The following GFRA2 variants were observed in gnomAD, a reference collection of about 807,000 sequenced individuals.
The protein encoded by GFRA2 is GDNF family receptor alpha 2, also known as GDNF family receptor alpha-2.
Under a neutral mutation model 48.3 loss-of-function variants are expected in GFRA2, and 17 were observed. The observed-to-expected ratio is 0.35, with a 90% CI of 0.24 to 0.53. GFRA2 has a LOEUF of 0.53. Ranked by LOEUF, GFRA2 falls within the 20% of genes least tolerant of loss-of-function variation. The pLI is 0.93. For synonymous variants in GFRA2, 305 were observed against 257.2 expected (o/e 1.19, Z -1.78); for missense variants, 660 against 637.3 (o/e 1.04, Z -0.38).
intron 7 of GFRA2, among the ~76,000 whole-genome samples, chr8:21,700,684 G>A (rs186337946): frequency 6.7e-4 from 102 of 152,252 alleles, no homozygotes; most frequent in African/African-American, 2.1e-3. Context: ...AGATACCCAC[G>A]TAGGGACCCA....
At chr8:21,762,773 G>A (rs1427860496) in intron 3 of GFRA2, among the ~76,000 whole-genome samples, 2 of 152,012 alleles carry the variant, frequency 1.3e-5, no homozygotes, top group East Asian at 3.9e-4. Flanking sequence ...TTTTTCAACC[G>A]CTTTTGAGTG....
At chr8:21,806,068 G>A (rs1250593255) in intron 1 of GFRA2, among the ~76,000 whole-genome samples, 8 of 152,274 alleles carry the variant, frequency 5.3e-5, no homozygotes, top group East Asian at 1.9e-4. Context: ...GCAAAGGGTC[G>A]AGGCAGCCCA....
chr8:21,761,605 C>T (rs139317901), intron 3 of GFRA2, among the ~76,000 whole-genome samples: 1 of 152,340 alleles, frequency 6.6e-6, no homozygotes, highest in African/African-American at 2.4e-5. Flanking sequence ...GATGAAAATA[C>T]CCCTTGCAGT....
At chr8:21,797,058 G>C (rs952930840) in intron 2 of GFRA2, among the ~76,000 whole-genome samples, 30 of 152,284 alleles carry the variant, frequency 2.0e-4, no homozygotes, top group East Asian at 3.9e-4. Flanking sequence ...TGCTGATCTA[G>C]GACTGGGCCA....
chr8:21,725,798 G>C (rs1048645107), intron 4 of GFRA2, among the ~76,000 whole-genome samples: 1 of 152,172 alleles, frequency 6.6e-6, no homozygotes, highest in African/African-American at 2.4e-5. Context: ...CCCAAGGCCC[G>C]CCGGTCCTCT....
chr8:21,782,085 G>T (rs1807020566), intron 2 of GFRA2, among the ~76,000 whole-genome samples: 1 of 151,860 alleles, frequency 6.6e-6, no homozygotes, highest in African/African-American at 2.4e-5. Flanking sequence ...CTGGGGCAGG[G>T]CAGCAGCCAT....
chr8:21,785,545 G>T (rs1807227767), intron 1 of GFRA2, among the ~76,000 whole-genome samples: 1 of 152,190 alleles, frequency 6.6e-6, no homozygotes. Context: ...AAGACACAGG[G>T]AGTAGCTGCT....
intron 4 of GFRA2, among the ~76,000 whole-genome samples, chr8:21,730,352 G>A (rs903156717): frequency 3.3e-5 from 5 of 151,966 alleles, no homozygotes; most frequent in African/African-American, 4.8e-5. Context: ...GCAGCGAGCC[G>A]AGATAGTGCC....
At chr8:21,777,303 G>C (rs1806753426) in intron 2 of GFRA2, among the ~76,000 whole-genome samples, 1 of 151,902 alleles carries the variant, frequency 6.6e-6, no homozygotes, top group African/African-American at 2.4e-5. Context: ...TCTTCTGTCC[G>C]CCAGATGGTG....
At chr8:21,809,960 T>G (rs140321381) in intron 1 of GFRA2, among the ~76,000 whole-genome samples, 2 of 152,140 alleles carry the variant, frequency 1.3e-5, no homozygotes, top group African/African-American at 4.8e-5. Flanking sequence ...AGCCACCAGA[T>G]GTTGCTTCTC....
intron 3 of GFRA2, among the ~76,000 whole-genome samples, chr8:21,762,698 T>A: frequency 6.6e-6 from 1 of 152,252 alleles, no homozygotes; most frequent in Admixed American, 6.5e-5. Context: ...AAATTTCAGG[T>A]TAGTCTTAAT....
intron 4 of GFRA2, among the ~76,000 whole-genome samples, chr8:21,718,837 C>A (rs1384205642): frequency 6.6e-6 from 1 of 152,198 alleles, no homozygotes; most frequent in African/African-American, 2.4e-5. Flanking sequence ...AGGTTCAAAT[C>A]CTAGCCACAA....
At chr8:21,802,429 A>T (rs1334634882) in intron 2 of GFRA2, among the ~76,000 whole-genome samples, 2 of 152,146 alleles carry the variant, frequency 1.3e-5, no homozygotes, top group Non-Finnish European at 2.9e-5. Context: ...ATCATGGGTC[A>T]CTATAGCCTT....
chr8:21,787,263 C>G (rs2309080), intron 1 of GFRA2, among the ~76,000 whole-genome samples: 10,660 of 44,590 alleles, frequency 0.24, 623 homozygotes, highest in East Asian at 0.36. Context: ...TTGGAGGCGG[C>G]GGGGGGGGCA....
Position 21,788,307 on chromosome 8 carries a change from C to A in GFRA2, c.-148G>T. On this transcript the variant is annotated 5_prime_UTR_variant, in exon 1 of 9. Transcript: ENST00000524240. The stretch of plus-strand genomic sequence containing the variant: ...CAGCTAGTCCACCCGATGAAGATCC[C>A]GAGTCCTGCGATTCTCGCCTCTGGC... 1 of 1,384,410 alleles carries A rather than the reference C, an allele frequency of 7.2e-7. No individual in the cohort carries two copies. The highest frequency in any genetic ancestry group is 9.4e-7 in the Non-Finnish European group (1 of 1,068,592). The allele number at this position is 1,384,410 out of a possible 1,614,324, so 85.8% of individuals were successfully genotyped here. A position where few individuals can be genotyped will look rare whatever the true frequency, so the allele number is the denominator to read the frequency against.
upstream of GFRA2, chr8:21,788,928 C>T: frequency 4.8e-6 from 2 of 417,298 alleles, no homozygotes; most frequent in Non-Finnish European, 6.4e-6. Flanking sequence ...CTCCTCCCTC[C>T]GCCCGCCCCC....
At chr8:21,703,601 C>T (rs10104082) in intron 6 of GFRA2, among the ~76,000 whole-genome samples, 6,278 of 152,278 alleles carry the variant, frequency 0.041, 425 homozygotes, top group African/African-American at 0.14. Context: ...CCCTTGTCAA[C>T]GCTCCTTTCC....
chr8:21,726,913 C>T (rs925114790), intron 4 of GFRA2, among the ~76,000 whole-genome samples: 3 of 152,046 alleles, frequency 2.0e-5, no homozygotes, highest in South Asian at 2.1e-4. Flanking sequence ...CCACCACACC[C>T]GGCTAATTTT....
chr8:21,756,367 C>A (rs1464020351), intron 3 of GFRA2, among the ~76,000 whole-genome samples: 2 of 152,232 alleles, frequency 1.3e-5, no homozygotes, highest in Non-Finnish European at 2.9e-5. Flanking sequence ...ATCCTCCCAG[C>A]AGGAACCGGG....
Sources: gnomAD v4.1 joint callset for allele counts (sites outside exome capture counted in the v4.1 genomes callset) on GRCh38, gnomAD v4.1.1 for gene constraint, MANE v1.5 for transcripts, NCBI Gene and HGNC (gene_info 2026-07-23, HGNC 2026-07-21) for gene names.